The following SLC10A7 variants were observed in gnomAD, a reference collection of about 807,000 sequenced individuals.
SLC10A7 encodes the protein solute carrier family 10 member 7, also known as sodium/bile acid cotransporter 7.
SLC10A7 carries 29 observed loss-of-function variants against 43.2 expected under a neutral mutation model. The ratio of observed to expected loss-of-function variants is 0.67; its 90% CI spans 0.50 to 0.92. The LOEUF (loss-of-function observed/expected upper bound fraction) is 0.92. Ranked by LOEUF, SLC10A7 falls within the 40% of genes least tolerant of loss-of-function variation. The pLI, the probability that SLC10A7 is intolerant of heterozygous loss-of-function variation, is 0.00. For missense variants in SLC10A7, 295 were observed against 403.2 expected (o/e 0.73, Z 2.30); for synonymous variants, 152 against 144.8 (o/e 1.05, Z -0.35).
chr4:146,364,313 G>C (rs1394858902), intron 5 of SLC10A7, among the ~76,000 whole-genome samples: 1 of 151,962 alleles, frequency 6.6e-6, no homozygotes, highest in Non-Finnish European at 1.5e-5. Context: ...AACCTGAATA[G>C]ACCAAACACA....
intron 5 of SLC10A7, among the ~76,000 whole-genome samples, chr4:146,400,129 T>C (rs964529017): frequency 8.6e-5 from 13 of 151,994 alleles, no homozygotes; most frequent in Non-Finnish European, 1.9e-4. Flanking sequence ...AGAGGTATCA[T>C]GGAAATGAAA....
intron 5 of SLC10A7, among the ~76,000 whole-genome samples, chr4:146,329,589 T>C (rs1314197383): frequency 6.6e-6 from 1 of 152,184 alleles, no homozygotes; most frequent in Non-Finnish European, 1.5e-5. Flanking sequence ...TCTTGAATGG[T>C]GTAAATAAAA....
At chr4:146,505,007 A>G (rs1297968308) in intron 3 of SLC10A7, among the ~76,000 whole-genome samples, 1 of 152,236 alleles carries the variant, frequency 6.6e-6, no homozygotes, top group Non-Finnish European at 1.5e-5. Context: ...AAATTCATAT[A>G]GAATATATCT....
chr4:146,342,432 GA>G (rs1383320894), intron 5 of SLC10A7, among the ~76,000 whole-genome samples: 2 of 151,152 alleles, frequency 1.3e-5, no homozygotes, highest in African/African-American at 2.4e-5. Flanking sequence ...GCAAATACAA[GA>G]AAAAAATAAG....
At chr4:146,412,514 C>T (rs574834292) in intron 5 of SLC10A7, among the ~76,000 whole-genome samples, 1 of 152,216 alleles carries the variant, frequency 6.6e-6, no homozygotes, top group South Asian at 2.1e-4. Context: ...AGCCTGCCTA[C>T]CATGACCTAA....
intron 10 of SLC10A7, among the ~76,000 whole-genome samples, chr4:146,264,989 G>T (rs967859898): frequency 5.3e-5 from 8 of 152,148 alleles, no homozygotes; most frequent in African/African-American, 1.9e-4. Flanking sequence ...CAAATCCACA[G>T]TCATTAAAGC....
chr4:146,508,777 G>A (rs1234956378), intron 3 of SLC10A7, among the ~76,000 whole-genome samples: 1 of 152,160 alleles, frequency 6.6e-6, no homozygotes, highest in Non-Finnish European at 1.5e-5. Context: ...GCTATCAGAA[G>A]AATCATTTGC....
At chr4:146,276,437 A>C (rs1041651949) in intron 10 of SLC10A7, among the ~76,000 whole-genome samples, 1 of 152,212 alleles carries the variant, frequency 6.6e-6, no homozygotes, top group Non-Finnish European at 1.5e-5. Flanking sequence ...ACTTTATGTA[A>C]CTAGCACTTT....
At chr4:146,256,766 A>G (rs1727914039) in intron 11 of SLC10A7, 1 of 1,315,602 alleles carries the variant, frequency 7.6e-7, no homozygotes, top group Admixed American at 2.0e-5. Flanking sequence ...TGTGCACTAG[A>G]TGGTAGCCTT....
chr4:146,265,978 A>G (rs184712241), intron 10 of SLC10A7, among the ~76,000 whole-genome samples: 160 of 152,348 alleles, frequency 1.1e-3, no homozygotes, highest in Non-Finnish European at 1.5e-3. Flanking sequence ...TTAGCATGAG[A>G]TAGTATACTC....
chr4:146,471,767 T>G (rs984540511), intron 4 of SLC10A7, among the ~76,000 whole-genome samples: 3 of 152,158 alleles, frequency 2.0e-5, no homozygotes, highest in Non-Finnish European at 4.4e-5. Context: ...AAATGAGAAG[T>G]AAAATAATTT....
intron 4 of SLC10A7, among the ~76,000 whole-genome samples, chr4:146,445,552 C>T (rs180823130): frequency 1.9e-3 from 283 of 152,250 alleles, no homozygotes; most frequent in African/African-American, 6.6e-3. Context: ...GCTCTTTTAG[C>T]ATTTGCCGTC....
chr4:146,448,543 T>G (rs1262646019), intron 4 of SLC10A7, among the ~76,000 whole-genome samples: 4 of 152,148 alleles, frequency 2.6e-5, no homozygotes, highest in African/African-American at 4.8e-5. Context: ...CCCCTCTTTT[T>G]CCTTCCCTTA....
chr4:146,342,972 A>G (rs543422938), intron 5 of SLC10A7, among the ~76,000 whole-genome samples: 2 of 152,050 alleles, frequency 1.3e-5, no homozygotes, highest in Admixed American at 1.3e-4. Context: ...CTCTTTGAGG[A>G]AGATACAACC....
chr4:146,401,230 T>G (rs10519805), intron 5 of SLC10A7, among the ~76,000 whole-genome samples: 8,398 of 152,202 alleles, frequency 0.055, 353 homozygotes, highest in South Asian at 0.17. Flanking sequence ...ATCTCCTGAT[T>G]TACACTGGCT....
At chr4:146,275,715 C>G (rs936960295) in intron 10 of SLC10A7, among the ~76,000 whole-genome samples, 6 of 151,842 alleles carry the variant, frequency 4.0e-5, no homozygotes, top group African/African-American at 1.4e-4. Flanking sequence ...GTAGGTGAAG[C>G]TTAGCTGTAC....
At chr4:146,508,836 C>T (rs1463372993) in intron 3 of SLC10A7, among the ~76,000 whole-genome samples, 2 of 152,176 alleles carry the variant, frequency 1.3e-5, no homozygotes, top group African/African-American at 4.8e-5. Flanking sequence ...CCTCCAGTAG[C>T]TTCCTGTAGC....
intron 2 of SLC10A7, among the ~76,000 whole-genome samples, chr4:146,512,384 A>G (rs1290118227): frequency 6.6e-6 from 1 of 152,360 alleles, no homozygotes; most frequent in East Asian, 1.9e-4. Flanking sequence ...GAATTTTATG[A>G]CTAGGAATTT....
At chr4:146,505,610 AG>A (rs1182950609) in intron 3 of SLC10A7, among the ~76,000 whole-genome samples, 3 of 152,230 alleles carry the variant, frequency 2.0e-5, no homozygotes, top group Non-Finnish European at 4.4e-5. Context: ...GCTCTGAAAT[AG>A]GAAAAAAATG....
Sources: gnomAD v4.1 joint callset for allele counts (sites outside exome capture counted in the v4.1 genomes callset) on GRCh38, gnomAD v4.1.1 for gene constraint, MANE v1.5 for transcripts, NCBI Gene and HGNC (gene_info 2026-07-23, HGNC 2026-07-21) for gene names.